EPHB2: variants seen among roughly 807,000 people sequenced by gnomAD.
EPHB2 encodes the protein EPH receptor B2.
EPHB2 carries 18 observed loss-of-function variants against 96.4 expected under a neutral mutation model. The observed-to-expected ratio is 0.19, with a 90% confidence interval of 0.13 to 0.28. EPHB2 has a LOEUF of 0.28. Ranked by LOEUF, EPHB2 falls within the 10% of genes least tolerant of loss-of-function variation. EPHB2 has a pLI of 1.00. For missense variants in EPHB2, 989 were observed against 1,355.4 expected (o/e 0.73, Z 4.25); for synonymous variants, 506 against 534.1 (o/e 0.95, Z 0.72).
intron 1 of EPHB2, 152 bp from the exon 2 acceptor site, chr1:22,781,269 G>A (rs1644526982): frequency 1.4e-6 from 1 of 723,574 alleles, no homozygotes; most frequent in Admixed American, 2.5e-5. Flanking sequence ...GCAGTGAGCC[G>A]AGATCACACC....
At chr1:22,727,389 A>G (rs983924497) in intron 1 of EPHB2, among the ~76,000 whole-genome samples, 1 of 152,224 alleles carries the variant, frequency 6.6e-6, no homozygotes, top group African/African-American at 2.4e-5. Flanking sequence ...TTCTCCCCTC[A>G]CTGAAGCCCC....
chr1:22,907,961 T>C lies in EPHB2; in HGVS notation c.2145T>C (p.Asp715=). 1 of 1,614,238 alleles carries C rather than the reference T, an allele frequency of 6.2e-7. No individual in the cohort carries two copies. The highest frequency in any genetic ancestry group is 8.5e-7 in the Non-Finnish European group (1 of 1,180,040). The change falls in exon 12 of 16, where the codon GAT becomes GAC. Residue 715 remains aspartate, a synonymous_variant. Coordinates refer to ENST00000374630, the MANE Select transcript of EPHB2 (RefSeq NM_017449.5). ...CCCCACTTCTCCCAAAGCAAAACGA[T>C]GGGCAGTTCACAGTCATCCAGCTGG... ...GSLDSFLRQN[D]GQFTVIQLVG... is the part of the protein sequence containing the mutation.
chr1:22,878,697 C>T (rs1397406046), intron 5 of EPHB2, among the ~76,000 whole-genome samples: 1 of 152,244 alleles, frequency 6.6e-6, no homozygotes, highest in East Asian at 1.9e-4. Flanking sequence ...CTGCTTAAGG[C>T]CACACGTGAG....
chr1:22,827,883 G>A (rs1645246723), intron 3 of EPHB2, among the ~76,000 whole-genome samples: 1 of 152,206 alleles, frequency 6.6e-6, no homozygotes, highest in African/African-American at 2.4e-5. Context: ...CTTGCTCCAG[G>A]GGCCTTCACC....
In EPHB2 at chr1:22,775,379, A is replaced by C. The variant is rs868743742; in HGVS notation, c.62-6042A>C. On this transcript the variant is annotated intron_variant, in intron 1 of 15. Transcript: ENST00000374630. ...GCTTGGCATGTATAGGTGCTTAATGAAAGTTTCTTCTTCATGACTTTGGAA... is the reference window on the plus strand; with the variant it reads ...GCTTGGCATGTATAGGTGCTTAATGCAAGTTTCTTCTTCATGACTTTGGAA... 16 of 690,520 alleles carry C rather than the reference A, an allele frequency of 2.3e-5. 2 individuals carry two copies. The Middle Eastern group carries it at 4.1e-3, about 178-fold the overall frequency. 42.8% of individuals were successfully genotyped at this position (690,520 alleles called of 1,614,324 possible). A position where few individuals can be genotyped will look rare whatever the true frequency, so the allele number is the denominator to read the frequency against.
intron 3 of EPHB2, among the ~76,000 whole-genome samples, chr1:22,797,372 A>G (rs1477855337): frequency 6.6e-6 from 1 of 152,168 alleles, no homozygotes; most frequent in Non-Finnish European, 1.5e-5. Context: ...CATCTGACAA[A>G]GTGACTGCTC....
chr1:22,723,637 T>C (rs763605671), intron 1 of EPHB2, among the ~76,000 whole-genome samples: 1 of 152,356 alleles, frequency 6.6e-6, no homozygotes, highest in South Asian at 2.1e-4. Flanking sequence ...CCCTGAACTT[T>C]GTAGACTTGC....
At position 22,778,005 on chromosome 1, in the gene EPHB2, C is replaced by CATTT. The variant is rs1644476276; in HGVS notation, c.62-3416_62-3415insATTT. 2.6e-5 allele frequency among the ~76,000 whole-genome samples: 4 copies of CATTT among 151,828 alleles called. No homozygotes were observed. The South Asian group carries it at 8.4e-4, about 32-fold the overall frequency. On this transcript the variant is annotated intron_variant, in intron 1 of 15. Coordinates refer to ENST00000374630, the MANE Select transcript of EPHB2 (RefSeq NM_017449.5). ...ACAAGAGGTAGAACAAATAAAGGTC[C>CATTT]GTTTGTTTGTTTGTTTGTTTTGTTT...
intron 3 of EPHB2, among the ~76,000 whole-genome samples, chr1:22,857,144 C>T (rs542579349): frequency 1.4e-4 from 22 of 152,268 alleles, no homozygotes; most frequent in South Asian, 4.1e-4. Flanking sequence ...TTGCAAGAGC[C>T]GACTGTGCAC....
At chr1:22,834,375 G>T (rs1645349366) in intron 3 of EPHB2, among the ~76,000 whole-genome samples, 1 of 152,170 alleles carries the variant, frequency 6.6e-6, no homozygotes, top group Non-Finnish European at 1.5e-5. Context: ...GGTGGCCAAG[G>T]TGTTTAGCTA....
chr1:22,884,902 T>C (rs1313073392), intron 6 of EPHB2, among the ~76,000 whole-genome samples: 1 of 152,180 alleles, frequency 6.6e-6, no homozygotes, highest in East Asian at 1.9e-4. Context: ...TATGGAGTAA[T>C]TGGGTATTTA....
chr1:22,798,725 G>A (rs6683698), intron 3 of EPHB2, among the ~76,000 whole-genome samples: 9,671 of 152,114 alleles, frequency 0.064, 483 homozygotes, highest in East Asian at 0.16. Context: ...ACTTGGTTAC[G>A]TCCTTTTCCT....
chr1:22,881,154 A>C (rs915720908), intron 5 of EPHB2, among the ~76,000 whole-genome samples: 4 of 152,012 alleles, frequency 2.6e-5, no homozygotes, highest in Non-Finnish European at 5.9e-5. Flanking sequence ...TAACCCCAGC[A>C]CTCTGGGAGA....
intron 3 of EPHB2, among the ~76,000 whole-genome samples, chr1:22,805,782 G>A (rs1644916775): frequency 6.6e-6 from 1 of 152,214 alleles, no homozygotes; most frequent in African/African-American, 2.4e-5. Flanking sequence ...GCGCATATGT[G>A]CCTGCCAGGG....
intron 3 of EPHB2, among the ~76,000 whole-genome samples, chr1:22,786,424 T>C (rs767842239): frequency 6.6e-6 from 1 of 152,294 alleles, no homozygotes; most frequent in African/African-American, 2.4e-5. Flanking sequence ...GGCCAGATCC[T>C]GGGGTGCCTC....
intron 1 of EPHB2, among the ~76,000 whole-genome samples, chr1:22,749,595 G>T (rs1267748243): frequency 1.3e-5 from 2 of 152,160 alleles, no homozygotes; most frequent in Non-Finnish European, 2.9e-5. Flanking sequence ...ATTGCCAGGG[G>T]AGCTGTCCCT....
intron 1 of EPHB2, among the ~76,000 whole-genome samples, chr1:22,725,806 C>T (rs374675267): frequency 1.2e-4 from 18 of 152,194 alleles, no homozygotes; most frequent in South Asian, 8.3e-4. Context: ...TCAGCTGCCC[C>T]GAGCTTCTAC....
intron 3 of EPHB2, among the ~76,000 whole-genome samples, chr1:22,854,873 G>T (rs76072527): frequency 0.015 from 2,336 of 152,254 alleles, 56 homozygotes; most frequent in African/African-American, 0.053. Flanking sequence ...TACAGCAAAA[G>T]CAGGAAGCAG....
At position 22,917,090 on chromosome 1, in the gene EPHB2, C is replaced by CTGTT. The variant is rs1358394992; in HGVS notation, c.*3522_*3525dup. ...ACACTTAAGGGACTCAGGGCTATGG[C>CTGTT]TGTTTACTAACCAGCAGTGCCTCTT... On this transcript the variant is annotated 3_prime_UTR_variant, in exon 16 of 16. Coordinates refer to ENST00000374630, the MANE Select transcript of EPHB2 (RefSeq NM_017449.5). 1 of 152,296 alleles carries CTGTT rather than the reference C, an allele frequency of 6.6e-6. No individual in the cohort carries two copies. The highest frequency in any genetic ancestry group is 2.4e-5 in the African/African-American group (1 of 41,442). The allele number at this position is 152,296 out of a possible 1,614,324, so 9.4% of individuals were successfully genotyped here. A position where few individuals can be genotyped will look rare whatever the true frequency, so the allele number is the denominator to read the frequency against.
Sources: gnomAD v4.1 joint callset for allele counts (sites outside exome capture counted in the v4.1 genomes callset) on GRCh38, gnomAD v4.1.1 for gene constraint, MANE v1.5 for transcripts, NCBI Gene and HGNC (gene_info 2026-07-23, HGNC 2026-07-21) for gene names.